MAPT: variants seen among roughly 807,000 people sequenced by gnomAD.
The protein encoded by MAPT is microtubule-associated protein tau.
A neutral mutation model predicts 67.9 loss-of-function variants in MAPT; 34 were observed. That is an observed-to-expected ratio of 0.50 (90% confidence interval 0.38 to 0.67). The LOEUF (loss-of-function observed/expected upper bound fraction) is 0.67, where lower values mean the gene tolerates loss of function less well. Ranked by LOEUF, MAPT falls within the 30% of genes least tolerant of loss-of-function variation. The pLI is 0.00. For synonymous variants in MAPT, 456 were observed against 464.5 expected, an observed-to-expected ratio of 0.98 and a Z score of 0.23; for missense variants, 881 against 1,115.2, an observed-to-expected ratio of 0.79 and a Z score of 2.99.
intron 3 of MAPT, chr17:45,974,197 G>A: frequency 1.6e-6 from 1 of 628,972 alleles, no homozygotes; most frequent in Admixed American, 2.3e-5. Context: ...CCACTCAGCA[G>A]CATGTCAGTG....
chr17:45,935,981 G>A (rs1246218523), intron 1 of MAPT, among the ~76,000 whole-genome samples: 1 of 152,210 alleles, frequency 6.6e-6, no homozygotes, highest in Non-Finnish European at 1.5e-5. Flanking sequence ...GCCTTGGACT[G>A]TGTGTACCTC....
intron 11 of MAPT, among the ~76,000 whole-genome samples, chr17:46,014,645 T>C (rs979697746): frequency 2.0e-5 from 3 of 151,914 alleles, no homozygotes; most frequent in Admixed American, 2.0e-4. Context: ...GAGGCCAAGG[T>C]GGGTGGATCA....
intron 12 of MAPT, among the ~76,000 whole-genome samples, chr17:46,023,648 T>C (rs2076666583): frequency 6.6e-6 from 1 of 152,192 alleles, no homozygotes; most frequent in Admixed American, 6.5e-5. Flanking sequence ...AAGACCAGCC[T>C]GGGCAACATA....
intron 1 of MAPT, among the ~76,000 whole-genome samples, chr17:45,933,504 T>A (rs1427428509): frequency 3.3e-5 from 5 of 152,180 alleles, no homozygotes; most frequent in Non-Finnish European, 5.9e-5. Flanking sequence ...CCTCCCAAAG[T>A]GTTGGGATTA....
intron 1 of MAPT, among the ~76,000 whole-genome samples, chr17:45,936,195 CA>C (rs2067310565): frequency 6.6e-6 from 1 of 152,250 alleles, no homozygotes; most frequent in African/African-American, 2.4e-5. Flanking sequence ...TATCCAAGGG[CA>C]TGGCCCACCT....
At chr17:45,926,217 A>G (rs966850906) in intron 1 of MAPT, among the ~76,000 whole-genome samples, 2 of 151,740 alleles carry the variant, frequency 1.3e-5, no homozygotes, top group Admixed American at 1.3e-4. Context: ...TGTCAAAGAA[A>G]AAAAAAAAAG....
chr17:45,935,113 G>A (rs940305291), intron 1 of MAPT, among the ~76,000 whole-genome samples: 5 of 152,064 alleles, frequency 3.3e-5, no homozygotes, highest in South Asian at 2.1e-4. Flanking sequence ...TTTGAAAATC[G>A]ACCATGGTAG....
rs1347836015 is a variant in MAPT, at chr17:45,941,648, C to CCCCTTCCA, written c.-17-20665_-17-20658dup. Among the ~76,000 whole-genome samples, 37 of 102,626 alleles carry CCCCTTCCA rather than the reference C, an allele frequency of 3.6e-4. 1 individual carries two copies. Among genetic ancestry groups the CCCCTTCCA allele is most frequent in the East Asian group, 3.4e-3 (8 of 2,378 alleles). The allele number at this position is 102,626 out of a possible 152,430, so 67.3% of individuals were successfully genotyped here. A position where few individuals can be genotyped will look rare whatever the true frequency, so the allele number is the denominator to read the frequency against. ...CCTCCTTCCCTCTTTCCCTCCTTCC[C>CCCCTTCCA]CCCTTCCACCCTTCCCCCCTTCCCC... On this transcript the variant is annotated intron_variant, in intron 1 of 12. Coordinates refer to ENST00000262410, the MANE Select transcript of MAPT (RefSeq NM_001377265.1).
chr17:45,912,568 G>A (rs2064871118), intron 1 of MAPT, among the ~76,000 whole-genome samples: 1 of 152,228 alleles, frequency 6.6e-6, no homozygotes, highest in South Asian at 2.1e-4. Context: ...TCCAGAGGGA[G>A]TGTGGCCCTG....
chr17:45,964,396 G>A (rs1159497230), intron 2 of MAPT, among the ~76,000 whole-genome samples: 2 of 127,004 alleles, frequency 1.6e-5, no homozygotes, highest in East Asian at 4.6e-4. Context: ...ATCCTTCTTA[G>A]AGGCCGGGCG....
Position 46,002,392 on chromosome 17 carries a change from G to A in MAPT, c.1998+5728G>A, listed in dbSNP as rs192659315. On this transcript the variant is annotated intron_variant, in intron 9 of 12. Coordinates refer to ENST00000262410, the MANE Select transcript of MAPT (RefSeq NM_001377265.1). The stretch of plus-strand genomic sequence containing the variant: ...GGGAGTCCCAGGGTCCATGCAGGGC[G>A]AGAGAGAAGTTGCTCATGTGGGGCC... 1.3e-4 allele frequency among the ~76,000 whole-genome samples: 20 copies of A among 152,316 alleles called. 1 individual carries two copies. The East Asian group carries it at 3.1e-3, about 24-fold the overall frequency.
chr17:45,983,602 C>G lies in MAPT; in HGVS notation c.1023C>G (p.Pro341=), dbSNP rs1382449748. 3.0e-5 allele frequency: 49 copies of G among 1,613,370 alleles called. No individual in the cohort carries two copies. The highest frequency in any genetic ancestry group is 4.1e-5 in the Non-Finnish European group (48 of 1,180,028). Residue 341 remains proline, a synonymous_variant, in exon 5 of 13, where the codon CCC becomes CCG. Coordinates refer to ENST00000262410, the MANE Select transcript of MAPT (RefSeq NM_001377265.1). Reference sequence around the variant, plus strand: ...GCTTCCCAGCGGAGGGTGCCATCCCCCTCCCTGTGGATTTCCTCTCCAAAG... The same window carrying G: ...GCTTCCCAGCGGAGGGTGCCATCCCGCTCCCTGTGGATTTCCTCTCCAAAG... ...IPGFPAEGAI[P]LPVDFLSKVS...
chr17:45,902,413 G>A (rs947597899), intron 1 of MAPT, among the ~76,000 whole-genome samples: 1 of 152,170 alleles, frequency 6.6e-6, no homozygotes, highest in African/African-American at 2.4e-5. Context: ...TAGCAAGTCT[G>A]GTGTACATAC....
chr17:46,022,501 A>T (rs2076594253), intron 12 of MAPT, among the ~76,000 whole-genome samples: 1 of 152,100 alleles, frequency 6.6e-6, no homozygotes, highest in South Asian at 2.1e-4. Context: ...CCCCTGCAAT[A>T]GGGGCCCTTC....
At chr17:46,000,373 T>C (rs935517520) in intron 9 of MAPT, among the ~76,000 whole-genome samples, 1 of 152,166 alleles carries the variant, frequency 6.6e-6, no homozygotes, top group Non-Finnish European at 1.5e-5. Flanking sequence ...GGAATTATTT[T>C]GAAAGGAAAA....
At chr17:45,970,516 A>G (rs1598208184) in intron 2 of MAPT, among the ~76,000 whole-genome samples, 1 of 152,354 alleles carries the variant, frequency 6.6e-6, no homozygotes, top group South Asian at 2.1e-4. Context: ...GGCTGCCCCC[A>G]TAAACATTTG....
chr17:45,933,671 C>A (rs776568275), intron 1 of MAPT, among the ~76,000 whole-genome samples: 10 of 152,042 alleles, frequency 6.6e-5, no homozygotes, highest in Non-Finnish European at 1.3e-4. Flanking sequence ...CTCTGTCGAT[C>A]CTTTGGGGAC....
At chr17:45,990,585 A>G in intron 7 of MAPT, 1 of 365,242 alleles carries the variant, frequency 2.7e-6, no homozygotes, top group Non-Finnish European at 5.5e-6. Context: ...CGACAGAGCA[A>G]GACCCTGTCG....
intron 1 of MAPT, among the ~76,000 whole-genome samples, chr17:45,914,148 A>T (rs242555): frequency 0.97 from 146,832 of 151,940 alleles, 71,097 homozygotes; most frequent in East Asian, 1. Flanking sequence ...AAAAAAAAAA[A>T]TTAATTTAAA....
Sources: gnomAD v4.1 joint callset for allele counts (sites outside exome capture counted in the v4.1 genomes callset) on GRCh38, gnomAD v4.1.1 for gene constraint, MANE v1.5 for transcripts, NCBI Gene and HGNC (gene_info 2026-07-23, HGNC 2026-07-21) for gene names.